The following USP25 variants were observed in gnomAD, a reference collection of about 807,000 sequenced individuals.
USP25 encodes the protein ubiquitin specific peptidase 25, also known as ubiquitin carboxyl-terminal hydrolase 25.
Under a neutral mutation model 158.5 loss-of-function variants are expected in USP25, and 85 were observed. That is an observed-to-expected ratio of 0.54 (90% CI 0.45 to 0.64). USP25 has a LOEUF of 0.64. Among genes scored for constraint, USP25 ranks in the 30% least tolerant of loss-of-function variants. The pLI, the probability that USP25 is intolerant of heterozygous loss-of-function variation, is 0.00. For synonymous variants in USP25, 464 were observed against 460.4 expected (o/e 1.01, Z -0.10); for missense variants, 1,242 against 1,327.3 (o/e 0.94, Z 1.00).
Position 15,780,271 on chromosome 21 carries a change from G to T in USP25, c.392+2244G>T, listed in dbSNP as rs144906424. ...GATGAGATAAAGCCTGTCTTTTTAC[G>T]TCTTAGAATCCTGTGTTTAGGCATT... is the stretch of plus-strand genomic sequence containing the variant. On this transcript the variant is annotated intron_variant, in intron 4 of 25. Coordinates refer to ENST00000400183, the MANE Select transcript of USP25 (RefSeq NM_001283041.3). 2.5e-3 allele frequency among the ~76,000 whole-genome samples: 379 copies of T among 152,178 alleles called. 2 individuals carry two copies. The highest frequency in any genetic ancestry group is 8.8e-3 in the African/African-American group (367 of 41,526).
chr21:15,800,602 A>C (rs1359929518), intron 6 of USP25, among the ~76,000 whole-genome samples: 3 of 151,398 alleles, frequency 2.0e-5, no homozygotes, highest in Non-Finnish European at 4.4e-5. Context: ...CTAATGGAAA[A>C]AATTACTTAT....
At chr21:15,763,033 T>C in intron 2 of USP25, 65 bp downstream of exon 2, 1 of 1,430,106 alleles carries the variant, frequency 7.0e-7, no homozygotes, top group East Asian at 2.4e-5. Flanking sequence ...GTATTATATT[T>C]GATAGTTGAT....
At chr21:15,851,958 G>A (rs1252526413) in intron 20 of USP25, among the ~76,000 whole-genome samples, 1 of 151,934 alleles carries the variant, frequency 6.6e-6, no homozygotes, top group African/African-American at 2.4e-5. Flanking sequence ...CTATGATTTT[G>A]ATAGTACAGC....
At chr21:15,809,884 A>G (rs1157640164) in intron 8 of USP25, among the ~76,000 whole-genome samples, 1 of 152,202 alleles carries the variant, frequency 6.6e-6, no homozygotes, top group Non-Finnish European at 1.5e-5. Context: ...ATGCCACGTG[A>G]AAGAAGCCAG....
At chr21:15,733,857 CA>C (rs2031216472) in intron 1 of USP25, among the ~76,000 whole-genome samples, 1 of 151,868 alleles carries the variant, frequency 6.6e-6, no homozygotes, top group African/African-American at 2.4e-5. Flanking sequence ...AACAAAAAAC[CA>C]AAACAAAACA....
chr21:15,793,823 A>G (rs1600932427), intron 5 of USP25, among the ~76,000 whole-genome samples: 1 of 151,646 alleles, frequency 6.6e-6, no homozygotes, highest in Non-Finnish European at 1.5e-5. Context: ...AAATCTATCA[A>G]ACTATTTTAA....
At chr21:15,827,294 A>T in intron 14 of USP25, 91 bp downstream of exon 14, 1 of 1,075,842 alleles carries the variant, frequency 9.3e-7, no homozygotes, top group Non-Finnish European at 1.3e-6. Flanking sequence ...TGGATTTTAT[A>T]TTTAAATATT....
At chr21:15,735,890 ATT>A (rs1430118473) in intron 1 of USP25, among the ~76,000 whole-genome samples, 2 of 151,530 alleles carry the variant, frequency 1.3e-5, no homozygotes, top group Non-Finnish European at 2.9e-5. Context: ...CAAATTTTAA[ATT>A]TTTTTAGTTC....
chr21:15,866,223 A>G (rs760481411), intron 21 of USP25, 43 bp from the exon 22 acceptor site: 26 of 1,271,632 alleles, frequency 2.0e-5, no homozygotes, highest in African/African-American at 3.1e-5. Flanking sequence ...ATATATATAC[A>G]CACACATACA....
intron 8 of USP25, among the ~76,000 whole-genome samples, chr21:15,810,664 G>A (rs2036613137): frequency 6.6e-6 from 1 of 152,132 alleles, no homozygotes; most frequent in Admixed American, 6.5e-5. Context: ...TCCCTGGTGA[G>A]GGTTGTTGTT....
chr21:15,778,169 T>C (rs2034766798), intron 4 of USP25, 142 bp downstream of exon 4: 3 of 824,838 alleles, frequency 3.6e-6, no homozygotes, highest in Non-Finnish European at 5.1e-6. Context: ...TTAAATTTTA[T>C]GTAACCAAAA....
At chr21:15,750,205 TGTGTGTATG>T (rs2032883495) in intron 1 of USP25, among the ~76,000 whole-genome samples, 1 of 138,416 alleles carries the variant, frequency 7.2e-6, no homozygotes, top group African/African-American at 2.8e-5. Flanking sequence ...TGTGTGTGTG[TGTGTGTATG>T]TTTTTTTTTT....
intron 1 of USP25, among the ~76,000 whole-genome samples, chr21:15,757,977 T>C (rs1306805860): frequency 6.6e-6 from 1 of 152,228 alleles, no homozygotes; most frequent in Non-Finnish European, 1.5e-5. Flanking sequence ...TGTGATTTTG[T>C]AAGGAAAACT....
At chr21:15,823,149 T>C (rs1307260748) in intron 10 of USP25, among the ~76,000 whole-genome samples, 1 of 152,108 alleles carries the variant, frequency 6.6e-6, no homozygotes, top group African/African-American at 2.4e-5. Flanking sequence ...CAATAGATTA[T>C]GCAGCAGTTT....
chr21:15,818,985 A>T (rs2037093032), intron 10 of USP25, 139 bp downstream of exon 10: 2 of 1,059,716 alleles, frequency 1.9e-6, no homozygotes, highest in Non-Finnish European at 2.7e-6. Flanking sequence ...TTTAATTGGT[A>T]ATTTAGACAT....
chr21:15,758,130 T>A (rs879530400), intron 1 of USP25, among the ~76,000 whole-genome samples: 2 of 152,168 alleles, frequency 1.3e-5, no homozygotes, highest in Non-Finnish European at 2.9e-5. Context: ...CTGGAATCAA[T>A]CTCTGGGGAT....
chr21:15,766,687 T>C lies in USP25; in HGVS notation c.268+546T>C, dbSNP rs1207486138. 1.3e-5 allele frequency among the ~76,000 whole-genome samples: 2 copies of C among 152,094 alleles called. No homozygotes were observed. Among genetic ancestry groups the C allele is most frequent in the Non-Finnish European group, 2.9e-5 (2 of 67,952 alleles). ...GATACAAATACGTACATGTGGAAGA[T>C]TCTATGTGGGACTTAAGTTTTTCTT... is the stretch of plus-strand genomic sequence containing the variant. On this transcript the variant is annotated intron_variant, in intron 3 of 25. Transcript: ENST00000400183. This position sits in a 1 kb window ranked among gnomAD's most constrained non-coding sequence, Gnocchi z 4.0.
At chr21:15,863,982 A>T (rs1801386930) in intron 20 of USP25, among the ~76,000 whole-genome samples, 1 of 148,990 alleles carries the variant, frequency 6.7e-6, no homozygotes, top group South Asian at 2.1e-4. Flanking sequence ...GGTTGCAGTG[A>T]GCCGAGATCA....
At chr21:15,785,641 A>G (rs1207277507) in intron 4 of USP25, among the ~76,000 whole-genome samples, 2 of 152,152 alleles carry the variant, frequency 1.3e-5, no homozygotes, top group South Asian at 2.1e-4. Context: ...AACACATACA[A>G]AAACCTGTGG....
Sources: allele counts gnomAD v4.1 joint callset (sites outside exome capture counted in the v4.1 genomes callset), GRCh38; gene constraint gnomAD v4.1.1; non-coding constraint Gnocchi (gnomAD v3.1); transcripts MANE v1.5; gene names NCBI Gene and HGNC (gene_info 2026-07-23, HGNC 2026-07-21).